The following CCDC40 variants were observed in gnomAD, a reference collection of about 807,000 sequenced individuals.
CCDC40 encodes the protein coiled-coil domain 40 molecular ruler complex subunit.
CCDC40 carries 104 observed loss-of-function variants against 124.5 expected under a neutral mutation model. The observed-to-expected ratio is 0.84, with a 90% CI of 0.71 to 0.98. The LOEUF is 0.98. Among genes scored for constraint, CCDC40 ranks in the 50% least tolerant of loss-of-function variants. The probability of loss-of-function intolerance (pLI) is 0.00; values close to 1 mark genes in which losing one functional copy is unlikely to be tolerated. For missense variants in CCDC40, 1,463 were observed against 1,503.9 expected (o/e 0.97, Z 0.45); for synonymous variants, 580 against 602.9 (o/e 0.96, Z 0.56).
At chr17:80,055,098 AG>A (rs1173764576) in intron 7 of CCDC40, among the ~76,000 whole-genome samples, 1 of 152,216 alleles carries the variant, frequency 6.6e-6, no homozygotes, top group African/African-American at 2.4e-5. Flanking sequence ...GGATAGAAGG[AG>A]AGTTCTAAGT....
intron 10 of CCDC40, among the ~76,000 whole-genome samples, chr17:80,076,134 G>C (rs1330245206): frequency 2.0e-5 from 3 of 152,200 alleles, no homozygotes; most frequent in Admixed American, 6.5e-5. Context: ...CAGGGTTTGA[G>C]AGGACTGACT....
At chr17:80,065,298 G>A (rs918585752) in intron 9 of CCDC40, among the ~76,000 whole-genome samples, 187 bp from the exon 10 acceptor site, 11 of 145,562 alleles carry the variant, frequency 7.6e-5, no homozygotes, top group Admixed American at 4.2e-4. Context: ...GGCTCAAAGC[G>A]GGTACGGGTT....
chr17:80,065,338 T>C, intron 9 of CCDC40, 147 bp from the exon 10 acceptor site: 1 of 1,098,800 alleles, frequency 9.1e-7, no homozygotes, highest in Non-Finnish European at 1.4e-6. Context: ...GGCTCGTGTT[T>C]ACCCCTCTGC....
Position 80,043,970 on chromosome 17 carries a change from G to T in CCDC40, c.553-3309G>T, listed in dbSNP as rs563854883. Among the ~76,000 whole-genome samples, 9 of 152,296 alleles carry T rather than the reference G, an allele frequency of 5.9e-5. No homozygotes were observed. The South Asian group carries it at 1.9e-3, about 32-fold the overall frequency. On this transcript the variant is annotated intron_variant, in intron 3 of 19. Transcript: ENST00000397545. The stretch of plus-strand genomic sequence containing the variant: ...GCCCCCTACTCCCAGCATACCTTAG[G>T]TTTCAATTGTTCTGCGAGGGGAGAT...
rs1286767326 is a variant in CCDC40, at chr17:80,099,874, A to G, written c.*99A>G. On this transcript the variant is annotated 3_prime_UTR_variant, in exon 20 of 20. Transcript: ENST00000397545. ...AATCTTTTGTGTTCCTAAAAACCAC[A>G]TGTACCCTCAGAAGGGCATCGTTTA... 9 of 1,350,518 alleles carry G rather than the reference A, an allele frequency of 6.7e-6. No homozygotes were observed. Among genetic ancestry groups the G allele is most frequent in the South Asian group, 1.2e-5 (1 of 81,684 alleles). The allele number at this position is 1,350,518 out of a possible 1,614,324, so 83.7% of individuals were successfully genotyped here. A position where few individuals can be genotyped will look rare whatever the true frequency, so the allele number is the denominator to read the frequency against.
At chr17:80,078,140 G>T (rs1224150645) in intron 10 of CCDC40, among the ~76,000 whole-genome samples, 3 of 151,896 alleles carry the variant, frequency 2.0e-5, no homozygotes, top group Non-Finnish European at 4.4e-5. Context: ...GACCATCCTG[G>T]CTAACACGGT....
intron 7 of CCDC40, among the ~76,000 whole-genome samples, chr17:80,055,734 G>A (rs1042043508): frequency 7.9e-5 from 12 of 151,800 alleles, no homozygotes; most frequent in African/African-American, 2.7e-4. Context: ...CTACAACTAA[G>A]AGGAAGTTTT....
rs745803689 is a variant in CCDC40, at chr17:80,058,825, C to T, written c.1318-33C>T. The T allele has an allele frequency of 3.7e-6, 6 of 1,613,824 alleles. No homozygotes were observed. The Admixed American group carries it at 8.3e-5, about 22-fold the overall frequency. ...AACAGGCCCTCAGCCACGGGCACCT[C>T]CTGACGGGGCTGCTTCTCATCCTGT... On this transcript the variant is annotated intron_variant, in intron 8 of 19. Coordinates refer to ENST00000397545, the MANE Select transcript of CCDC40 (RefSeq NM_017950.4). This position sits in a 1 kb window ranked among gnomAD's most constrained non-coding sequence, Gnocchi z 4.2.
intron 1 of CCDC40, among the ~76,000 whole-genome samples, chr17:80,037,688 A>AATATATATATAT: frequency 1.5e-4 from 7 of 45,710 alleles, no homozygotes; most frequent in Admixed American, 2.4e-4. Flanking sequence ...TTTTTTAAAA[A>AATATATATATAT]AGATATACAT....
At chr17:80,069,750 C>CA (rs1446810441) in intron 10 of CCDC40, among the ~76,000 whole-genome samples, 2 of 145,964 alleles carry the variant, frequency 1.4e-5, no homozygotes, top group Non-Finnish European at 3.0e-5. Flanking sequence ...GACTTCGTCT[C>CA]AAAAAAATAA....
At chr17:80,074,434 G>A (rs55710301) in intron 10 of CCDC40, among the ~76,000 whole-genome samples, 14,169 of 152,192 alleles carry the variant, frequency 0.093, 702 homozygotes, top group Middle Eastern at 0.13. Context: ...GCAGTGAGCC[G>A]AGATCGCGCC....
chr17:80,082,192 G>A, intron 12 of CCDC40, 134 bp downstream of exon 12: 1 of 755,530 alleles, frequency 1.3e-6, no homozygotes, highest in Non-Finnish European at 2.3e-6. Context: ...CCTTTCCATG[G>A]TGTTCAGGTT....
chr17:80,093,520 T>C (rs77496272), intron 17 of CCDC40, among the ~76,000 whole-genome samples: 6 of 144,776 alleles, frequency 4.1e-5, no homozygotes, highest in Middle Eastern at 3.7e-3. Flanking sequence ...TTATTTCTCT[T>C]TTTTTTTTTT....
intron 3 of CCDC40, among the ~76,000 whole-genome samples, chr17:80,046,222 T>C (rs1000098547): frequency 3.3e-5 from 5 of 152,094 alleles, no homozygotes; most frequent in Non-Finnish European, 7.4e-5. Flanking sequence ...GGAAAACATC[T>C]AACTCTCCCC....
chr17:80,078,190 G>A lies in CCDC40; in HGVS notation c.1563-3356G>A, dbSNP rs1342384917. Among the ~76,000 whole-genome samples the A allele has an allele frequency of 2.6e-5, 4 of 152,074 alleles. No homozygotes were observed. In the East Asian group the frequency reaches 7.7e-4, roughly 29 times the overall value. On this transcript the variant is annotated intron_variant, in intron 10 of 19. Coordinates refer to ENST00000397545, the MANE Select transcript of CCDC40 (RefSeq NM_017950.4). ...ACTAAAAATACAAAAAATTAGCCGG[G>A]CGTGGTGGCGGGCGCCTGTAGTCCC...
At chr17:80,056,010 A>ATTTTTTTTTTTTTTT (rs1326886577) in intron 7 of CCDC40, among the ~76,000 whole-genome samples, 8 of 13,782 alleles carry the variant, frequency 5.8e-4, no homozygotes, top group Non-Finnish European at 7.0e-4. Context: ...ATATATATAT[A>ATTTTTTTTTTTTTTT]TATATATTTT....
Position 80,099,705 on chromosome 17 carries a change from A to G in CCDC40, c.3359A>G (p.Gln1120Arg), listed in dbSNP as rs2038883259. 1.2e-6 allele frequency: 2 copies of G among 1,613,798 alleles called. No homozygotes were observed. Among genetic ancestry groups the G allele is most frequent in the Non-Finnish European group, 1.7e-6 (2 of 1,179,998 alleles). ...ILDRVRDEYP[Q>R]FQEALHKVSQ... Reference sequence around the variant, plus strand: ...GACCGCGTGCGGGACGAGTACCCCCAGTTCCAGGAGGCCCTGCACAAGGTC... The same window carrying G: ...GACCGCGTGCGGGACGAGTACCCCCGGTTCCAGGAGGCCCTGCACAAGGTC... The change falls in exon 20 of 20, where the codon CAG (glutamine) becomes CGG (arginine). Residue 1120 changes from glutamine to arginine, a missense_variant. By Grantham distance (43) the Gln-to-Arg change is conservative. Coordinates refer to ENST00000397545, the MANE Select transcript of CCDC40 (RefSeq NM_017950.4).
At position 80,100,092 on chromosome 17, in the gene CCDC40, C is replaced by G. The variant is rs1236616341; in HGVS notation, c.*317C>G. 2.5e-6 allele frequency: 1 copy of G among 398,576 alleles called. No individual in the cohort carries two copies. The highest frequency in any genetic ancestry group is 2.1e-5 in the African/African-American group (1 of 48,564). 24.7% of individuals were successfully genotyped at this position (398,576 alleles called of 1,614,324 possible). A position where few individuals can be genotyped will look rare whatever the true frequency, so the allele number is the denominator to read the frequency against. ...ACTTTGGTTTGCAGCACTCCCAAAT[C>G]TGCACGTGCCTCTCACAACACAACG... On this transcript the variant is annotated 3_prime_UTR_variant, in exon 20 of 20. Coordinates refer to ENST00000397545, the MANE Select transcript of CCDC40 (RefSeq NM_017950.4).
intron 7 of CCDC40, among the ~76,000 whole-genome samples, chr17:80,057,170 C>G (rs935742973): frequency 6.6e-6 from 1 of 151,926 alleles, no homozygotes; most frequent in East Asian, 2.0e-4. Context: ...CTTTGTCACC[C>G]AGGCTGTAGT....
Sources: allele counts gnomAD v4.1 joint callset (sites outside exome capture counted in the v4.1 genomes callset), GRCh38; gene constraint gnomAD v4.1.1; non-coding constraint Gnocchi (gnomAD v3.1); transcripts MANE v1.5; gene names NCBI Gene and HGNC (gene_info 2026-07-23, HGNC 2026-07-21).